Variants in KAZN observed in about 807,000 individuals in gnomAD.
KAZN encodes kazrin.
KAZN carries 40 observed loss-of-function variants against 87.4 expected under a neutral mutation model. The ratio of observed to expected loss-of-function variants is 0.46; its 90% confidence interval spans 0.36 to 0.60. The LOEUF (loss-of-function observed/expected upper bound fraction) is 0.60. Ranked by LOEUF, KAZN falls within the 20% of genes least tolerant of loss-of-function variation. The pLI, the probability that KAZN is intolerant of heterozygous loss-of-function variation, is 0.00. For missense variants in KAZN, 898 were observed against 1,073.9 expected (o/e 0.84, Z 2.29); for synonymous variants, 466 against 458.3 (o/e 1.02, Z -0.22).
intron 2 of KAZN, among the ~76,000 whole-genome samples, chr1:14,995,902 A>T (rs1269361884): frequency 2.0e-5 from 3 of 152,156 alleles, no homozygotes; most frequent in Non-Finnish European, 4.4e-5. Context: ...CAAATTTGTT[A>T]CCACCATTTA....
chr1:14,791,340 A>G (rs1645668192), intron 1 of KAZN, among the ~76,000 whole-genome samples: 1 of 151,812 alleles, frequency 6.6e-6, no homozygotes, highest in Non-Finnish European at 1.5e-5. Flanking sequence ...CACACGAGAA[A>G]CCTCTCCACT....
At chr1:14,873,748 T>C (rs1213075369) in intron 1 of KAZN, among the ~76,000 whole-genome samples, 1 of 152,078 alleles carries the variant, frequency 6.6e-6, no homozygotes, top group Non-Finnish European at 1.5e-5. Context: ...CGGAGACAAA[T>C]AAGGAAGCTA....
chr1:13,932,375 C>T (rs1259092543), intron 1 of KAZN, among the ~76,000 whole-genome samples: 1 of 150,058 alleles, frequency 6.7e-6, no homozygotes, highest in Non-Finnish European at 1.5e-5. Flanking sequence ...ATTCTCCTGC[C>T]TCAGCCTCCC....
chr1:14,272,883 AAAAT>A (rs1256868292), intron 2 of KAZN, among the ~76,000 whole-genome samples: 4 of 152,014 alleles, frequency 2.6e-5, no homozygotes, highest in African/African-American at 7.2e-5. Context: ...AATAAAAATA[AAAAT>A]AAATAAATAA....
intron 14 of KAZN, 154 bp from the exon 15 acceptor site, chr1:15,114,317 A>G (rs1641763454): frequency 1.6e-6 from 1 of 643,784 alleles, no homozygotes. Context: ...AACCTCCCTG[A>G]GCAGGGAGTA....
chr1:13,980,174 G>A (rs1275411252), intron 1 of KAZN, among the ~76,000 whole-genome samples: 1 of 151,998 alleles, frequency 6.6e-6, no homozygotes, highest in Admixed American at 6.5e-5. Flanking sequence ...CTAATGGAAG[G>A]AGAAAAGTGA....
chr1:13,977,943 C>T lies in KAZN; in HGVS notation c.91+84187C>T, dbSNP rs144396763. 8.8e-3 allele frequency among the ~76,000 whole-genome samples: 1,344 copies of T among 152,086 alleles called. 21 individuals are homozygous for T. The highest frequency in any genetic ancestry group is 0.03 in the African/African-American group (1,265 of 41,500). On this transcript the variant is annotated intron_variant, in intron 1 of 16. Coordinates refer to the KAZN transcript ENST00000636203. Reference sequence around the variant, plus strand: ...GAGATTGAGACCATCCTGGCTAACACGGTGAAACCCCGTCTCTATTAAAAA... The same window carrying T: ...GAGATTGAGACCATCCTGGCTAACATGGTGAAACCCCGTCTCTATTAAAAA...
chr1:14,323,060 G>A (rs186767917), intron 2 of KAZN, among the ~76,000 whole-genome samples: 58 of 152,272 alleles, frequency 3.8e-4, no homozygotes, highest in African/African-American at 1.3e-3. Context: ...TAGATCTCAT[G>A]AGAACTTACT....
intron 1 of KAZN, among the ~76,000 whole-genome samples, chr1:13,908,129 CAGAATTCCTGGACTTTGTTTCATACTGA>C (rs1639515650): frequency 6.6e-6 from 1 of 152,206 alleles, no homozygotes; most frequent in Admixed American, 6.5e-5. Flanking sequence ...CTACTTGAAA[CAGAATTCCTGGACTTTGTTTCATACTGA>C]AGACGTGGTT....
At chr1:14,136,904 G>T (rs1645119843) in intron 1 of KAZN, among the ~76,000 whole-genome samples, 1 of 152,162 alleles carries the variant, frequency 6.6e-6, no homozygotes, top group Admixed American at 6.5e-5. Flanking sequence ...AGCTTTCAGT[G>T]GGGCTGGGGG....
chr1:14,855,637 A>C (rs1650006640), intron 1 of KAZN, among the ~76,000 whole-genome samples: 1 of 152,212 alleles, frequency 6.6e-6, no homozygotes, highest in African/African-American at 2.4e-5. Flanking sequence ...TTAGGAACAC[A>C]AACCTGGTAG....
chr1:14,368,752 A>G (rs2101007088), intron 2 of KAZN, among the ~76,000 whole-genome samples: 1 of 152,322 alleles, frequency 6.6e-6, no homozygotes, highest in African/African-American at 2.4e-5. Flanking sequence ...AACTTTCAAC[A>G]ATCGATTTTT....
chr1:14,206,619 A>G (rs889180504), intron 2 of KAZN, among the ~76,000 whole-genome samples: 6 of 152,180 alleles, frequency 3.9e-5, no homozygotes, highest in African/African-American at 9.6e-5. Flanking sequence ...TTTAGTTTTT[A>G]TAACATTTTT....
intron 1 of KAZN, among the ~76,000 whole-genome samples, chr1:14,148,190 C>A (rs1244716827): frequency 8.6e-6 from 1 of 116,132 alleles, no homozygotes; most frequent in African/African-American, 3.4e-5. Flanking sequence ...CAAAGCAAGA[C>A]CCTGTCTCAA....
chr1:15,065,547 C>A, intron 7 of KAZN, 83 bp from the exon 8 acceptor site: 1 of 1,221,038 alleles, frequency 8.2e-7, no homozygotes, highest in Non-Finnish European at 1.2e-6. Flanking sequence ...ACCCCGGATC[C>A]CATCCACTGC....
chr1:14,593,560 G>A (rs1009157822), intron 2 of KAZN, among the ~76,000 whole-genome samples: 1 of 152,152 alleles, frequency 6.6e-6, no homozygotes, highest in African/African-American at 2.4e-5. Context: ...GATTGTTTTG[G>A]AAACCCCAGG....
chr1:14,807,289 G>T (rs1646253460), intron 1 of KAZN, among the ~76,000 whole-genome samples: 1 of 152,176 alleles, frequency 6.6e-6, no homozygotes, highest in South Asian at 2.1e-4. Flanking sequence ...TGGGGGCCCA[G>T]TTCAGCAGTG....
intron 4 of KAZN, among the ~76,000 whole-genome samples, chr1:15,050,750 G>T (rs1674310364): frequency 6.6e-6 from 1 of 152,178 alleles, no homozygotes; most frequent in South Asian, 2.1e-4. Context: ...ATGAGGGCAG[G>T]GTCTGCCCAA....
At chr1:13,895,681 T>C (rs72871362) in intron 1 of KAZN, among the ~76,000 whole-genome samples, 2,892 of 152,206 alleles carry the variant, frequency 0.019, 103 homozygotes, top group African/African-American at 0.066. Flanking sequence ...AGATCTTAAG[T>C]GTATGTGAAA....
Sources: gnomAD v4.1 joint callset for allele counts (sites outside exome capture counted in the v4.1 genomes callset) on GRCh38, gnomAD v4.1.1 for gene constraint, MANE v1.5 for transcripts, NCBI Gene and HGNC (gene_info 2026-07-23, HGNC 2026-07-21) for gene names.